The following DLG2 variants were observed in gnomAD, a reference collection of about 807,000 sequenced individuals.
DLG2 encodes the protein discs large MAGUK scaffold protein 2.
Under a neutral mutation model 132.5 loss-of-function variants are expected in DLG2, and 45 were observed. The observed-to-expected ratio is 0.34, with a 90% CI of 0.27 to 0.44. The LOEUF (loss-of-function observed/expected upper bound fraction) is 0.44, where lower values mean the gene tolerates loss of function less well. DLG2 is among the 20% of genes least tolerant of loss of function. The pLI, the probability that DLG2 is intolerant of heterozygous loss-of-function variation, is 1.00. For synonymous variants in DLG2, 424 were observed against 419.6 expected, an observed-to-expected ratio of 1.01 and a Z score of -0.13; for missense variants, 1,045 against 1,196.9, an observed-to-expected ratio of 0.87 and a Z score of 1.87.
intron 6 of DLG2, among the ~76,000 whole-genome samples, chr11:85,059,163 AG>A (rs201201276): frequency 0.019 from 2,936 of 151,532 alleles, 49 homozygotes; most frequent in Admixed American, 0.04. Context: ...ATAAGATAAA[AG>A]AAAACCCAGA....
At chr11:83,677,022 A>C (rs924826965) in intron 18 of DLG2, among the ~76,000 whole-genome samples, 2 of 152,154 alleles carry the variant, frequency 1.3e-5, no homozygotes, top group African/African-American at 2.4e-5. Flanking sequence ...GGCTTTCCCA[A>C]GTATTTTGCA....
intron 6 of DLG2, among the ~76,000 whole-genome samples, chr11:84,768,515 A>T (rs557768607): frequency 1.6e-4 from 24 of 152,196 alleles, no homozygotes; most frequent in Non-Finnish European, 3.1e-4. Context: ...ACTTGCCTAC[A>T]GGAGTGTGCA....
rs185970066 is a variant in DLG2, at chr11:84,620,554, G to A, written c.358-85823C>T. Among the ~76,000 whole-genome samples the A allele has an allele frequency of 1.3e-3, 198 of 152,016 alleles. 3 individuals are homozygous for A. The highest frequency in any genetic ancestry group is 4.5e-3 in the African/African-American group (188 of 41,520). On this transcript the variant is annotated intron_variant, in intron 6 of 27. Coordinates refer to ENST00000376104, the MANE Select transcript of DLG2 (RefSeq NM_001142699.3). ...AATAAGAAAAAGATAATACAATATA[G>A]GTGTAAGCACACAGCAATAAACCAT...
chr11:83,802,342 C>T (rs373777825), intron 17 of DLG2, among the ~76,000 whole-genome samples: 2 of 152,228 alleles, frequency 1.3e-5, no homozygotes, highest in African/African-American at 4.8e-5. Context: ...GGCTTCTCAA[C>T]TCACCCACCA....
chr11:83,628,740 A>T (rs534394134), intron 19 of DLG2, among the ~76,000 whole-genome samples: 1 of 152,162 alleles, frequency 6.6e-6, no homozygotes, highest in Admixed American at 6.6e-5. Flanking sequence ...TGTTTAATAT[A>T]AGGTAGTAAA....
rs199797129 is a variant in DLG2, at chr11:85,430,214, A to AG, written c.41-144850dup. ...TCACACTCTGGGGCCTGTTGTGGGG[A>AG]GGGGGGAGGGATAGCATTAGGAGAT... On this transcript the variant is annotated intron_variant, in intron 3 of 27. Coordinates refer to ENST00000376104, the MANE Select transcript of DLG2 (RefSeq NM_001142699.3). Among the ~76,000 whole-genome samples, 9 of 98,982 alleles carry AG rather than the reference A, an allele frequency of 9.1e-5. No individual in the cohort carries two copies. In the East Asian group the frequency reaches 3.3e-3, roughly 37 times the overall value. The allele number at this position is 98,982 out of a possible 152,430, so 64.9% of individuals were successfully genotyped here.
intron 3 of DLG2, among the ~76,000 whole-genome samples, chr11:85,332,179 C>T (rs1023750162): frequency 2.7e-4 from 41 of 152,124 alleles, no homozygotes; most frequent in African/African-American, 9.9e-4. Context: ...GAGATGGTAT[C>T]TCATTGTAGT....
intron 6 of DLG2, among the ~76,000 whole-genome samples, chr11:84,731,153 C>T (rs955805564): frequency 1.3e-5 from 2 of 152,032 alleles, no homozygotes; most frequent in African/African-American, 2.4e-5. Context: ...AAATGTAATG[C>T]ATTGGAAGAT....
At position 85,415,261 on chromosome 11, in the gene DLG2, T is replaced by G. The variant is rs142646335; in HGVS notation, c.41-129896A>C. On this transcript the variant is annotated intron_variant, in intron 3 of 27. Transcript: ENST00000376104. ...CATTTTCTTTATCCAGTCTAACATT[T>G]ATGGGCATTTGGGTTGGTTCCAAGT... 2.6e-3 allele frequency among the ~76,000 whole-genome samples: 400 copies of G among 152,150 alleles called. 1 individual carries two copies. The highest frequency in any genetic ancestry group is 9.3e-3 in the African/African-American group (386 of 41,546).
intron 6 of DLG2, among the ~76,000 whole-genome samples, chr11:85,042,505 G>A (rs1395656093): frequency 6.6e-6 from 1 of 151,920 alleles, no homozygotes; most frequent in Admixed American, 6.6e-5. Flanking sequence ...AGATCACATG[G>A]CTAGTAAATG....
At chr11:84,404,907 CT>C (rs1303397847) in intron 7 of DLG2, among the ~76,000 whole-genome samples, 1 of 152,114 alleles carries the variant, frequency 6.6e-6, no homozygotes, top group Non-Finnish European at 1.5e-5. Flanking sequence ...ATGTCACTTA[CT>C]TTTTATAGAC....
rs1818606237 is a variant in DLG2, at chr11:84,085,023, TTAAC to T, written c.749+13896_749+13899del. On this transcript the variant is annotated intron_variant, in intron 10 of 27. Transcript: ENST00000376104. ...CTGAATAAAATCTGTTTCTACCAAT[TTAAC>T]TACTGCCCAGCTTTGATTTTCTGTG... 3.3e-5 allele frequency among the ~76,000 whole-genome samples: 5 copies of T among 152,212 alleles called. No individual in the cohort carries two copies. In the South Asian group the frequency reaches 1.0e-3, roughly 32 times the overall value.
chr11:83,628,633 T>C lies in DLG2; in HGVS notation c.1940+4578A>G, dbSNP rs1039069961. Among the ~76,000 whole-genome samples, 13 of 152,208 alleles carry C rather than the reference T, an allele frequency of 8.5e-5. No homozygotes were observed. In the East Asian group the frequency reaches 2.3e-3, roughly 27 times the overall value. On this transcript the variant is annotated intron_variant, in intron 19 of 27. Coordinates refer to ENST00000376104, the MANE Select transcript of DLG2 (RefSeq NM_001142699.3). Reference sequence around the variant, plus strand: ...TAATGGTTGACCCATAGAAAATGTCTGACAAATACTTCCCTCTATTTCTAC... The same window carrying C: ...TAATGGTTGACCCATAGAAAATGTCCGACAAATACTTCCCTCTATTTCTAC...
At position 85,056,655 on chromosome 11, in the gene DLG2, C is replaced by T. The variant is rs1395193791; in HGVS notation, c.357+55006G>A. On this transcript the variant is annotated intron_variant, in intron 6 of 27. Coordinates refer to ENST00000376104, the MANE Select transcript of DLG2 (RefSeq NM_001142699.3). ...AAAGCTACAGATTCAAGAAGTGCTGCAAATCCCAAGTAGGGAAAGTACAAA... is the reference window on the plus strand; with the variant it reads ...AAAGCTACAGATTCAAGAAGTGCTGTAAATCCCAAGTAGGGAAAGTACAAA... 7.9e-5 allele frequency among the ~76,000 whole-genome samples: 12 copies of T among 151,844 alleles called. 1 individual carries two copies.
intron 7 of DLG2, among the ~76,000 whole-genome samples, chr11:84,264,209 G>C (rs184813558): frequency 3.9e-5 from 6 of 152,242 alleles, no homozygotes; most frequent in Admixed American, 2.0e-4. Flanking sequence ...TTTCTATATT[G>C]TCATCAACTA....
intron 4 of DLG2, among the ~76,000 whole-genome samples, chr11:85,264,426 T>C (rs755343960): frequency 2.6e-5 from 4 of 152,152 alleles, no homozygotes; most frequent in Non-Finnish European, 5.9e-5. Context: ...TAATCTTCCT[T>C]CTTCTCACCA....
At chr11:85,624,708 A>G (rs576753795) in intron 2 of DLG2, among the ~76,000 whole-genome samples, 39 of 152,334 alleles carry the variant, frequency 2.6e-4, no homozygotes, top group Admixed American at 5.9e-4. Flanking sequence ...TAAGAGATTA[A>G]AAGCAAGATA....
At chr11:83,546,250 A>G (rs974941070) in intron 19 of DLG2, among the ~76,000 whole-genome samples, 13 of 152,128 alleles carry the variant, frequency 8.5e-5, no homozygotes, top group African/African-American at 2.9e-4. Flanking sequence ...TGTAGTAAGC[A>G]TTTTATATTC....
chr11:84,965,313 GA>G lies in DLG2; in HGVS notation c.357+146347del, dbSNP rs2053168706. Among the ~76,000 whole-genome samples the G allele has an allele frequency of 2.0e-5, 3 of 151,954 alleles. No homozygotes were observed. In the South Asian group the frequency reaches 6.2e-4, roughly 32 times the overall value. On this transcript the variant is annotated intron_variant, in intron 6 of 27. Coordinates refer to ENST00000376104, the MANE Select transcript of DLG2 (RefSeq NM_001142699.3). ...TGTGTGTGCACGGTTTTAAACTTTAGAAAAAAATTATGATATCAAATGTTCT... is the reference window on the plus strand; with the variant it reads ...TGTGTGTGCACGGTTTTAAACTTTAGAAAAAATTATGATATCAAATGTTCT...
Sources: gnomAD v4.1 joint callset for allele counts (sites outside exome capture counted in the v4.1 genomes callset) on GRCh38, gnomAD v4.1.1 for gene constraint, MANE v1.5 for transcripts, NCBI Gene and HGNC (gene_info 2026-07-23, HGNC 2026-07-21) for gene names.